ERAP1: variants seen among roughly 807,000 people sequenced by gnomAD.
ERAP1 encodes the protein endoplasmic reticulum aminopeptidase 1.
In ERAP1, 86 loss-of-function variants were observed where a neutral mutation model predicts 103.7. That is an observed-to-expected ratio of 0.83 (90% CI 0.70 to 0.99). The LOEUF is 0.99. Ranked by LOEUF, ERAP1 falls within the 50% of genes least tolerant of loss-of-function variation. The pLI is 0.00. For missense variants in ERAP1, 1,009 were observed against 1,128.4 expected (o/e 0.89, Z 1.52); for synonymous variants, 398 against 402.4 (o/e 0.99, Z 0.13).
chr5:96,763,129 CT>C (rs751937086), exon 20 of ERAP1: 92 of 779,882 alleles, frequency 1.2e-4, no homozygotes, highest in Middle Eastern at 4.5e-4. Flanking sequence ...GCGAAGTCAG[CT>C]ATGCTTCCAT....
the ERAP1 span, chr5:96,892,318 C>T: frequency 1.9e-6 from 3 of 1,613,922 alleles, no homozygotes; most frequent in Admixed American, 5.0e-5. Context: ...CTATTCCTGA[C>T]TTTGCACCTG....
In ERAP1 at chr5:96,786,548, A is replaced by G; in HGVS notation, c.1681T>C (p.Tyr561His). 6.2e-7 allele frequency: 1 copy of G among 1,602,422 alleles called. No individual in the cohort carries two copies. Among genetic ancestry groups the G allele is most frequent in the Non-Finnish European group, 8.6e-7 (1 of 1,169,450 alleles). Residue 561 changes from tyrosine to histidine, a missense_variant and splice_region_variant, in exon 12 of 19, where the codon TAC becomes CAC. By Grantham distance (83) the Tyr-to-His change is moderately conservative (BLOSUM62 2). Around this residue, in one of 3 missense-constraint regions of ERAP1, gnomAD observed 611 missense variants for 651.7 expected, o/e 0.94. Transcript: ENST00000443439. ...AATGTCAATGGAACATGCCACAGGTACCTAAAATAAAGGAGAGGTGGATTG... is the reference window on the plus strand; with the variant it reads ...AATGTCAATGGAACATGCCACAGGTGCCTAAAATAAAGGAGAGGTGGATTG... ...KGSDGAPDTG[Y>H]LWHVPLTFIT...
At chr5:96,807,748 C>T (rs2151018722) in intron 1 of ERAP1, 112 bp downstream of exon 1, 1 of 755,780 alleles carries the variant, frequency 1.3e-6, no homozygotes, top group South Asian at 5.8e-5. Flanking sequence ...CCGTCTCCCT[C>T]CTCCCGTGCC....
the ERAP1 span, chr5:96,876,223 T>C: frequency 6.6e-6 from 1 of 152,432 alleles, no homozygotes. Flanking sequence ...TAAACTATGT[T>C]CTGAAGGCTT....
intron 10 of ERAP1, among the ~76,000 whole-genome samples, 161 bp downstream of exon 10, chr5:96,790,135 A>G (rs1162265977): frequency 1.3e-5 from 2 of 152,358 alleles, no homozygotes; most frequent in East Asian, 3.9e-4. Context: ...TTTAAGAAAA[A>G]TTGAAAAAGA....
At chr5:96,796,747 T>C (rs1777385412) in intron 4 of ERAP1, among the ~76,000 whole-genome samples, 1 of 152,134 alleles carries the variant, frequency 6.6e-6, no homozygotes, top group Admixed American at 6.5e-5. Context: ...TTGCCTGAGA[T>C]TGAGAAGGTT....
intron 3 of ERAP1, among the ~76,000 whole-genome samples, 170 bp downstream of exon 3, chr5:96,800,692 A>T (rs1163816835): frequency 6.6e-6 from 1 of 152,220 alleles, no homozygotes; most frequent in Admixed American, 6.5e-5. Flanking sequence ...CTTTGATTAC[A>T]TATAACTATG....
upstream of ERAP1, chr5:96,807,984 T>C (rs991832423): frequency 1.0e-6 from 1 of 985,476 alleles, no homozygotes; most frequent in African/African-American, 1.7e-5. Context: ...GAGCGGCGCT[T>C]CGGCCCGAGC....
intron 17 of ERAP1, 120 bp downstream of exon 17, chr5:96,780,938 T>G: frequency 8.8e-7 from 1 of 1,133,078 alleles, no homozygotes; most frequent in Non-Finnish European, 1.3e-6. Context: ...GTATTTCTAC[T>G]GCCTATCTTC....
chr5:96,835,957 A>G, the ERAP1 span, among the ~76,000 whole-genome samples: 1 of 152,168 alleles, frequency 6.6e-6, no homozygotes, highest in Non-Finnish European at 1.5e-5. Flanking sequence ...TTGTGGTTTT[A>G]AGGTTATATG....
At chr5:96,773,680 G>A (rs1400000299), downstream of ERAP1, 1 of 152,168 alleles carries the variant, frequency 6.6e-6, no homozygotes, top group Non-Finnish European at 1.5e-5. Context: ...CTACCACTTT[G>A]AATGGTTTTC....
the ERAP1 span, chr5:96,880,139 G>A: frequency 6.2e-7 from 1 of 1,614,102 alleles, no homozygotes; most frequent in Admixed American, 1.7e-5. Context: ...TGCACTGCTG[G>A]TTCCAGAGAA....
chr5:96,804,016 G>T, intron 1 of ERAP1, 73 bp from the exon 2 acceptor site: 1 of 1,519,812 alleles, frequency 6.6e-7, no homozygotes, highest in Non-Finnish European at 9.0e-7. Context: ...ATTTCAGAAT[G>T]TATCCACCCA....
the ERAP1 span, among the ~76,000 whole-genome samples, chr5:96,898,951 T>C: frequency 6.6e-6 from 1 of 152,200 alleles, no homozygotes. Context: ...TTTGTAGACA[T>C]CAGTTTAGCT....
Position 96,790,602 on chromosome 5 carries a change from A to G in ERAP1, c.1362T>C (p.Ala454=). The G allele has an allele frequency of 6.2e-7, 1 of 1,611,856 alleles. No individual in the cohort carries two copies. ...ILNMLREYLS[A]DAFKSGIVQY... is the part of the protein sequence containing the mutation. Reference sequence around the variant, plus strand: ...GTACAATACCACTTTTAAATGCGTCAGCACTAAGATACTCCCTTAGCATAT... The same window carrying G: ...GTACAATACCACTTTTAAATGCGTCGGCACTAAGATACTCCCTTAGCATAT... The change falls in exon 9 of 19, where the codon GCT becomes GCC. Residue 454 remains alanine, a synonymous_variant. Transcript: ENST00000443439.
chr5:96,803,634 T>C lies in ERAP1; in HGVS notation c.293A>G (p.His98Arg). The C allele has an allele frequency of 6.2e-7, 1 of 1,614,166 alleles. No individual in the cohort carries two copies. The change falls in exon 2 of 19, where the codon CAC becomes CGC. Residue 98 changes from histidine to arginine, a missense_variant. Transcript: ENST00000443439. ...QPTSTIILHS[H>R]HLQISRATLR... is the part of the protein sequence containing the mutation. Reference sequence around the variant, plus strand: ...GGTGGCCCTAGATATCTGCAGGTGGTGACTATGCAGGATGATGGTGCTGGT... The same window carrying C: ...GGTGGCCCTAGATATCTGCAGGTGGCGACTATGCAGGATGATGGTGCTGGT...
the ERAP1 span, chr5:96,918,561 G>A: frequency 9.9e-5 from 15 of 151,918 alleles, no homozygotes; most frequent in African/African-American, 3.6e-4. Context: ...ATGAATGAAT[G>A]GTCAAATGAA....
At chr5:96,859,822 G>A in the ERAP1 span, among the ~76,000 whole-genome samples, 7,403 of 152,178 alleles carry the variant, frequency 0.049, 219 homozygotes, top group South Asian at 0.11. Flanking sequence ...CTGACCTATT[G>A]ACATCAGCCT....
chr5:96,879,832 T>C, the ERAP1 span: 2 of 1,614,146 alleles, frequency 1.2e-6, no homozygotes, highest in Middle Eastern at 1.6e-4. Flanking sequence ...TCACTGAGGA[T>C]CCTGGGGCTT....
Sources: gnomAD v4.1 joint callset for allele counts (sites outside exome capture counted in the v4.1 genomes callset) on GRCh38, gnomAD v4.1.1 for gene constraint, gnomAD v4.1.1 regional missense constraint, MANE v1.5 for transcripts, NCBI Gene and HGNC (gene_info 2026-07-23, HGNC 2026-07-21) for gene names.